Variants in SH3PXD2A observed in about 807,000 individuals in gnomAD.
SH3PXD2A encodes SH3 and PX domain-containing protein 2A.
In SH3PXD2A, 32 loss-of-function variants were observed where a neutral mutation model predicts 115.2. The ratio of observed to expected loss-of-function variants is 0.28; its 90% CI spans 0.21 to 0.37. SH3PXD2A has a LOEUF of 0.37. Among genes scored for constraint, SH3PXD2A ranks in the 10% least tolerant of loss-of-function variants. SH3PXD2A has a pLI of 1.00. For synonymous variants in SH3PXD2A, 610 were observed against 629.1 expected (o/e 0.97, Z 0.45); for missense variants, 1,328 against 1,498.7 (o/e 0.89, Z 1.88).
At chr10:103,720,075 A>G (rs1662869702) in intron 5 of SH3PXD2A, among the ~76,000 whole-genome samples, 1 of 152,216 alleles carries the variant, frequency 6.6e-6, no homozygotes, top group Non-Finnish European at 1.5e-5. Flanking sequence ...TGGAGGCTGT[A>G]AAGTCCAAGA....
intron 1 of SH3PXD2A, among the ~76,000 whole-genome samples, chr10:103,803,047 T>G (rs2039162763): frequency 6.6e-6 from 1 of 152,206 alleles, no homozygotes; most frequent in Non-Finnish European, 1.5e-5. Flanking sequence ...ACAGGCGTGG[T>G]GAGGCTTTGT....
chr10:103,729,655 C>A (rs1291829893), intron 4 of SH3PXD2A, among the ~76,000 whole-genome samples: 1 of 152,234 alleles, frequency 6.6e-6, no homozygotes, highest in African/African-American at 2.4e-5. Flanking sequence ...CCCCTCCAAC[C>A]CTGCCATTCT....
Position 103,655,462 on chromosome 10 carries a change from T to C in SH3PXD2A, c.604+5521A>G, listed in dbSNP as rs1312305609. On this transcript the variant is annotated intron_variant, in intron 8 of 14. Transcript: ENST00000369774. ...CAGAATCTAAGCAAGATGTAGAAGATACACATAAAATCCGTTTAAGACAAT... is the reference window on the plus strand; with the variant it reads ...CAGAATCTAAGCAAGATGTAGAAGACACACATAAAATCCGTTTAAGACAAT... Among the ~76,000 whole-genome samples the C allele has an allele frequency of 7.4e-4, 112 of 152,120 alleles. 1 individual carries two copies. Among genetic ancestry groups the C allele is most frequent in the Non-Finnish European group, 2.4e-4 (16 of 68,022 alleles).
In SH3PXD2A at chr10:103,801,264, G is replaced by A. The variant is rs1280908430; in HGVS notation, c.153+18C>T. On this transcript the variant is annotated intron_variant, in intron 2 of 14. Transcript: ENST00000369774. The stretch of plus-strand genomic sequence containing the variant: ...ACCAGAGAGACTTGGGCCACTGTCC[G>A]AGCTCTGACAAACTCACCTGCAGGT... 1.4e-5 allele frequency: 21 copies of A among 1,535,436 alleles called. No homozygotes were observed. Among genetic ancestry groups the A allele is most frequent in the Non-Finnish European group, 1.7e-5 (19 of 1,109,738 alleles).
intron 1 of SH3PXD2A, among the ~76,000 whole-genome samples, chr10:103,854,074 T>G (rs1216609053): frequency 5.3e-5 from 8 of 151,978 alleles, no homozygotes; most frequent in Non-Finnish European, 1.2e-4. Context: ...GTAAAGAAAC[T>G]CAAAGTTCAG....
intron 2 of SH3PXD2A, among the ~76,000 whole-genome samples, chr10:103,767,814 T>TGTTG (rs35783741): frequency 6.9e-6 from 1 of 145,286 alleles, no homozygotes; most frequent in African/African-American, 2.6e-5. Flanking sequence ...TGTTTTGTTT[T>TGTTG]TTTTTTTTTT....
In SH3PXD2A at chr10:103,748,975, C is replaced by CT. The variant is rs376417666; in HGVS notation, c.230-13168dup. 4.7e-3 allele frequency among the ~76,000 whole-genome samples: 693 copies of CT among 146,820 alleles called. 3 individuals are homozygous for CT. Among genetic ancestry groups the CT allele is most frequent in the Admixed American group, 9.2e-3 (136 of 14,728 alleles). On this transcript the variant is annotated intron_variant, in intron 3 of 14. Transcript: ENST00000369774. ...TGAAGTCTTTCTTTCTTTCTTCTTT[C>CT]TTTTTTTTTTTTGAGACAGAGTCTC... is the stretch of plus-strand genomic sequence containing the variant.
intron 2 of SH3PXD2A, among the ~76,000 whole-genome samples, chr10:103,771,890 T>G (rs914535677): frequency 8.5e-5 from 13 of 152,094 alleles, no homozygotes; most frequent in Non-Finnish European, 1.8e-4. Context: ...GGGCAGGACC[T>G]CAGGTGCTGA....
rs568731350 is a variant in SH3PXD2A, at chr10:103,693,069, C to A, written c.399-13G>T. On this transcript the variant is annotated splice_polypyrimidine_tract_variant and intron_variant, in intron 5 of 14. Coordinates refer to ENST00000369774, the MANE Select transcript of SH3PXD2A (RefSeq NM_001394015.1). Reference sequence around the variant, plus strand: ...ACTGCCATAGTCCCTGAAAAAGAAGCAACAACAGATAGACATGGTTAGGGC... The same window carrying A: ...ACTGCCATAGTCCCTGAAAAAGAAGAAACAACAGATAGACATGGTTAGGGC... The A allele has an allele frequency of 6.2e-7, 1 of 1,613,374 alleles. No homozygotes were observed. The highest frequency in any genetic ancestry group is 1.3e-5 in the African/African-American group (1 of 75,042).
Position 103,801,542 on chromosome 10 carries a change from T to TACACACACACACAC in SH3PXD2A, c.73-194_73-181dup, listed in dbSNP as rs148335179. 3.2e-3 allele frequency among the ~76,000 whole-genome samples: 463 copies of TACACACACACACAC among 142,946 alleles called. 1 individual carries two copies. The highest frequency in any genetic ancestry group is 3.3e-3 in the African/African-American group (121 of 36,748). 93.8% of individuals were successfully genotyped at this position (142,946 alleles called of 152,430 possible). ...GTAGATGCTACAATATATGTCTAAA[T>TACACACACACACAC]ACACACACACACACACACACACACA... On this transcript the variant is annotated intron_variant, in intron 1 of 14. Transcript: ENST00000369774.
At chr10:103,816,359 T>C (rs1239020366) in intron 1 of SH3PXD2A, among the ~76,000 whole-genome samples, 2 of 152,150 alleles carry the variant, frequency 1.3e-5, no homozygotes, top group African/African-American at 2.4e-5. Context: ...TCTGAATAGA[T>C]TTTTCTCCAA....
At chr10:103,668,486 A>G in intron 7 of SH3PXD2A, 122 bp downstream of exon 7, 1 of 871,588 alleles carries the variant, frequency 1.1e-6, no homozygotes, top group Non-Finnish European at 1.8e-6. Flanking sequence ...ACCCCCTGCC[A>G]TGCTGGCAAA....
intron 5 of SH3PXD2A, among the ~76,000 whole-genome samples, chr10:103,700,472 T>G (rs10786763): frequency 0.27 from 41,167 of 152,018 alleles, 5,836 homozygotes; most frequent in Non-Finnish European, 0.31. Flanking sequence ...CAGTGTGGCC[T>G]GTGTGAGACC....
chr10:103,759,864 G>T (rs2038681744), intron 3 of SH3PXD2A, among the ~76,000 whole-genome samples: 1 of 152,218 alleles, frequency 6.6e-6, no homozygotes, highest in Non-Finnish European at 1.5e-5. Flanking sequence ...ATGTCCTAAG[G>T]AATTTGATTT....
In SH3PXD2A at chr10:103,776,535, G is replaced by C. The variant is rs77609951; in HGVS notation, c.154-9366C>G. Among the ~76,000 whole-genome samples, 1,365 of 151,638 alleles carry C rather than the reference G, an allele frequency of 9.0e-3. 15 individuals are homozygous for C. The highest frequency in any genetic ancestry group is 0.028 in the African/African-American group (1,142 of 41,270). On this transcript the variant is annotated intron_variant, in intron 2 of 14. Transcript: ENST00000369774. ...GTACCACAAACTAGGTGTCTTAGCA[G>C]AGTTTGATTGTCTCACAGTCCTGGA...
chr10:103,747,567 G>A (rs2038520637), intron 3 of SH3PXD2A, among the ~76,000 whole-genome samples: 1 of 152,192 alleles, frequency 6.6e-6, no homozygotes, highest in South Asian at 2.1e-4. Flanking sequence ...GAGAAACACT[G>A]CAGAATGGCC....
At chr10:103,783,922 C>T (rs1459682685) in intron 2 of SH3PXD2A, among the ~76,000 whole-genome samples, 1 of 152,242 alleles carries the variant, frequency 6.6e-6, no homozygotes, top group Non-Finnish European at 1.5e-5. Context: ...GGCTCTGCTG[C>T]CAGCCCTTCT....
intron 3 of SH3PXD2A, among the ~76,000 whole-genome samples, chr10:103,758,065 A>T (rs536575758): frequency 6.6e-6 from 1 of 152,292 alleles, no homozygotes; most frequent in East Asian, 1.9e-4. Flanking sequence ...CCAAACCATG[A>T]TCAACCCATT....
At chr10:103,797,155 C>T (rs1350313789) in intron 2 of SH3PXD2A, among the ~76,000 whole-genome samples, 8 of 152,136 alleles carry the variant, frequency 5.3e-5, no homozygotes, top group African/African-American at 1.4e-4. Flanking sequence ...TGAACCACCA[C>T]GCCCAGTGCC....
Sources: allele counts gnomAD v4.1 joint callset (sites outside exome capture counted in the v4.1 genomes callset), GRCh38; gene constraint gnomAD v4.1.1; transcripts MANE v1.5; gene names NCBI Gene and HGNC (gene_info 2026-07-23, HGNC 2026-07-21).